The following KAT6B variants were observed in gnomAD, a reference collection of about 807,000 sequenced individuals.
KAT6B encodes histone acetyltransferase KAT6B.
Under a neutral mutation model 187.5 loss-of-function variants are expected in KAT6B, and 10 were observed. The ratio of observed to expected loss-of-function variants is 0.05; its 90% CI spans 0.03 to 0.09. KAT6B has a LOEUF of 0.09. KAT6B is among the 10% of genes least tolerant of loss of function. The pLI is 1.00. For missense variants in KAT6B, 1,952 were observed against 2,558.9 expected, an observed-to-expected ratio of 0.76 and a Z score of 5.12; for synonymous variants, 861 against 926.8, an observed-to-expected ratio of 0.93 and a Z score of 1.29.
intron 3 of KAT6B, among the ~76,000 whole-genome samples, chr10:74,948,108 T>G (rs1840073492): frequency 6.6e-6 from 1 of 152,216 alleles, no homozygotes; most frequent in Admixed American, 6.5e-5. Context: ...TTATGAATAC[T>G]GCAATTGAAA....
chr10:74,825,989 C>G (rs1288880411), upstream of KAT6B, among the ~76,000 whole-genome samples: 5 of 151,782 alleles, frequency 3.3e-5, no homozygotes, highest in African/African-American at 1.2e-4. This position sits in a 1 kb window ranked among gnomAD's most constrained non-coding sequence, Gnocchi z 5.0. Context: ...CGTCCGCACA[C>G]TCCACCGAAG....
intron 13 of KAT6B, among the ~76,000 whole-genome samples, chr10:75,016,420 A>T (rs1844976063): frequency 6.6e-6 from 1 of 152,206 alleles, no homozygotes; most frequent in Admixed American, 6.5e-5. Flanking sequence ...TGAATTGATT[A>T]TGTGGCCTGT....
chr10:74,881,362 T>G (rs901578447), intron 3 of KAT6B, among the ~76,000 whole-genome samples: 1 of 152,138 alleles, frequency 6.6e-6, no homozygotes, highest in Non-Finnish European at 1.5e-5. Context: ...TCCATAAGGT[T>G]GTTGTGAGGC....
At chr10:74,831,080 C>T (rs1011757646) in intron 1 of KAT6B, among the ~76,000 whole-genome samples, 6 of 151,984 alleles carry the variant, frequency 3.9e-5, no homozygotes, top group African/African-American at 1.2e-4. Flanking sequence ...TGAGCCTCTG[C>T]ACCCGGCCAG....
intron 10 of KAT6B, among the ~76,000 whole-genome samples, 164 bp from the exon 11 acceptor site, chr10:74,981,623 C>G (rs112813943): frequency 1.3e-5 from 2 of 152,302 alleles, no homozygotes; most frequent in East Asian, 1.9e-4. Flanking sequence ...ATCTGCCTGC[C>G]TTAGCCTCCC....
intron 3 of KAT6B, among the ~76,000 whole-genome samples, chr10:74,913,353 T>TCC (rs1847389133): frequency 6.6e-6 from 1 of 152,228 alleles, no homozygotes; most frequent in Non-Finnish European, 1.5e-5. Flanking sequence ...AAGTTTAATT[T>TCC]ATAAATTAGG....
intron 1 of KAT6B, among the ~76,000 whole-genome samples, chr10:74,833,050 G>A (rs904588550): frequency 2.1e-5 from 3 of 143,978 alleles, no homozygotes; most frequent in African/African-American, 5.2e-5. Flanking sequence ...CAGGAGAGTC[G>A]TTTGAACCCG....
chr10:75,029,398 C>G lies in KAT6B; in HGVS notation c.4574C>G (p.Thr1525Arg). The G allele has an allele frequency of 6.2e-7, 1 of 1,614,130 alleles. No individual in the cohort carries two copies. The highest frequency in any genetic ancestry group is 8.5e-7 in the Non-Finnish European group (1 of 1,180,020). ...QDQKNSKEVD[T>R]EFKEGNPATM... ...CAAAAGAACAGCAAGGAAGTCGATA[C>G]AGAGTTCAAAGAGGGAAACCCAGCA... is the stretch of plus-strand genomic sequence containing the variant. The change falls in exon 18 of 18, where the codon ACA becomes AGA. Residue 1525 changes from threonine to arginine, a missense_variant. This residue lies in a region of KAT6B where 758 missense variants were observed against 891.4 expected (regional missense o/e 0.85). Transcript: ENST00000287239. This position sits in a 1 kb window ranked among gnomAD's most constrained non-coding sequence, Gnocchi z 6.2.
chr10:75,000,337 A>C (rs1195543244), intron 13 of KAT6B, among the ~76,000 whole-genome samples: 1 of 152,074 alleles, frequency 6.6e-6, no homozygotes, highest in African/African-American at 2.4e-5. Context: ...CTGATGGAAA[A>C]AATCGAGGGG....
intron 3 of KAT6B, among the ~76,000 whole-genome samples, chr10:74,868,757 C>T (rs1327797079): frequency 2.0e-5 from 3 of 152,112 alleles, no homozygotes; most frequent in Non-Finnish European, 4.4e-5. Flanking sequence ...TGGGTGTCGC[C>T]GTTTATATAT....
At chr10:74,946,023 TTCTTAAA>T (rs1484919930) in intron 3 of KAT6B, among the ~76,000 whole-genome samples, 2 of 152,244 alleles carry the variant, frequency 1.3e-5, no homozygotes, top group Non-Finnish European at 2.9e-5. Context: ...TGGCATTGTG[TTCTTAAA>T]TCTTTGAAAT....
At chr10:74,920,301 G>A (rs1848016047) in intron 3 of KAT6B, among the ~76,000 whole-genome samples, 1 of 152,060 alleles carries the variant, frequency 6.6e-6, no homozygotes, top group South Asian at 2.1e-4. Context: ...TTTACAATAG[G>A]GGTTGGTATC....
At chr10:74,928,221 G>A (rs1203330659) in intron 3 of KAT6B, among the ~76,000 whole-genome samples, 1 of 152,150 alleles carries the variant, frequency 6.6e-6, no homozygotes, top group East Asian at 1.9e-4. Context: ...AGAAGCAGGA[G>A]TTAACTTTTT....
intron 3 of KAT6B, among the ~76,000 whole-genome samples, chr10:74,926,763 A>AAT (rs1312004131): frequency 1.5e-4 from 23 of 152,218 alleles, no homozygotes; most frequent in African/African-American, 5.3e-4. Flanking sequence ...ACGTGGAGGC[A>AAT]TGGGACAGAG....
intron 3 of KAT6B, among the ~76,000 whole-genome samples, chr10:74,957,933 G>C (rs1156696595): frequency 2.6e-5 from 4 of 152,142 alleles, no homozygotes; most frequent in Non-Finnish European, 4.4e-5. Context: ...GTCTCTTTTC[G>C]TTTTTCTAGT....
intron 11 of KAT6B, 101 bp downstream of exon 11, chr10:74,982,029 A>C: frequency 9.0e-7 from 1 of 1,105,308 alleles, no homozygotes; most frequent in Non-Finnish European, 1.4e-6. Context: ...AGTATACTTA[A>C]TTTTGGCACT....
At chr10:74,906,605 A>ATCAT (rs1277147423) in intron 3 of KAT6B, among the ~76,000 whole-genome samples, 2 of 152,182 alleles carry the variant, frequency 1.3e-5, no homozygotes, top group East Asian at 3.8e-4. Flanking sequence ...CAAGAAAATA[A>ATCAT]TCATTTCCAC....
chr10:74,905,084 A>G (rs1022083836), intron 3 of KAT6B, among the ~76,000 whole-genome samples: 9 of 152,340 alleles, frequency 5.9e-5, no homozygotes, highest in African/African-American at 2.2e-4. Flanking sequence ...CCTTCTCTCA[A>G]TATGATGATG....
At chr10:75,003,431 T>G (rs1476233350) in intron 13 of KAT6B, among the ~76,000 whole-genome samples, 1 of 152,188 alleles carries the variant, frequency 6.6e-6, no homozygotes, top group East Asian at 1.9e-4. Context: ...TAAGTTATGC[T>G]TTTGAAATGG....
Sources: allele counts gnomAD v4.1 joint callset (sites outside exome capture counted in the v4.1 genomes callset), GRCh38; gene constraint gnomAD v4.1.1; regional missense constraint gnomAD v4.1.1; non-coding constraint Gnocchi (gnomAD v3.1); transcripts MANE v1.5; gene names NCBI Gene and HGNC (gene_info 2026-07-23, HGNC 2026-07-21).